POU2F1: variants seen among roughly 807,000 people sequenced by gnomAD.
POU2F1 encodes POU class 2 homeobox 1.
Under a neutral mutation model 84.9 loss-of-function variants are expected in POU2F1, and 16 were observed. That is an observed-to-expected ratio of 0.19 (90% CI 0.13 to 0.29). POU2F1 has a LOEUF of 0.29. POU2F1 is among the 10% of genes least tolerant of loss of function. POU2F1 has a pLI of 1.00. For synonymous variants in POU2F1, 368 were observed against 368.3 expected, an observed-to-expected ratio of 1.00 and a Z score of 0.01; for missense variants, 738 against 942.6, an observed-to-expected ratio of 0.78 and a Z score of 2.84.
At chr1:167,344,778 C>T (rs1441056434) in intron 2 of POU2F1, among the ~76,000 whole-genome samples, 1 of 151,858 alleles carries the variant, frequency 6.6e-6, no homozygotes, top group Non-Finnish European at 1.5e-5. Flanking sequence ...TGGGAGGGGA[C>T]GTTAGAAGGG....
chr1:167,294,863 G>A (rs1654178840), intron 1 of POU2F1, among the ~76,000 whole-genome samples: 1 of 152,160 alleles, frequency 6.6e-6, no homozygotes, highest in African/African-American at 2.4e-5. Flanking sequence ...GCTGGGCACG[G>A]TGGCTCACAC....
intron 1 of POU2F1, among the ~76,000 whole-genome samples, chr1:167,318,429 A>G (rs1232281658): frequency 3.3e-5 from 5 of 152,198 alleles, no homozygotes; most frequent in African/African-American, 7.2e-5. Flanking sequence ...TAGGGGACCA[A>G]TCAATAATGA....
chr1:167,354,509 C>G (rs1658808438), intron 2 of POU2F1, among the ~76,000 whole-genome samples: 1 of 152,126 alleles, frequency 6.6e-6, no homozygotes, highest in Non-Finnish European at 1.5e-5. Context: ...CCAGGCTGGT[C>G]TCAGACTCCT....
rs374525798 is a variant in POU2F1 at position 167,273,397 on chromosome 1, C to T, written c.61+52439C>T. On this transcript the variant is annotated intron_variant, in intron 1 of 15. Coordinates refer to ENST00000367866, the MANE Select transcript of POU2F1 (RefSeq NM_002697.4). ...TGTGTGTGGGGGCTCCAACCCCACT[C>T]CCCTCTACACTGCCCTCGTAGAGGT... Among the ~76,000 whole-genome samples the T allele has an allele frequency of 2.2e-4, 34 of 152,282 alleles. No individual in the cohort carries two copies. The East Asian group carries it at 4.4e-3, about 20-fold the overall frequency.
chr1:167,371,114 T>C (rs1434680477), intron 4 of POU2F1, among the ~76,000 whole-genome samples: 1 of 152,162 alleles, frequency 6.6e-6, no homozygotes, highest in Non-Finnish European at 1.5e-5. Flanking sequence ...AAAGAGATAA[T>C]GTGACCTTAC....
At chr1:167,299,900 G>A (rs567113574) in intron 1 of POU2F1, among the ~76,000 whole-genome samples, 41 of 151,894 alleles carry the variant, frequency 2.7e-4, no homozygotes, top group African/African-American at 8.9e-4. Context: ...GTGAGGTAGG[G>A]GCCAAAAAAG....
intron 1 of POU2F1, among the ~76,000 whole-genome samples, chr1:167,305,970 G>C (rs1004126751): frequency 6.6e-6 from 1 of 152,202 alleles, no homozygotes. Context: ...AGTATACATA[G>C]AAATGTAGAA....
chr1:167,299,163 CAAAAAAA>C (rs71073663), intron 1 of POU2F1, among the ~76,000 whole-genome samples: 4 of 96,836 alleles, frequency 4.1e-5, no homozygotes, highest in South Asian at 6.6e-4. Context: ...AACGCCATCT[CAAAAAAA>C]AAAAAAAAAA....
chr1:167,221,637 C>G (rs1376780297), intron 1 of POU2F1, among the ~76,000 whole-genome samples: 1 of 150,800 alleles, frequency 6.6e-6, no homozygotes, highest in Non-Finnish European at 1.5e-5. Context: ...TGCCCGCGCC[C>G]CGCGCGGGGC....
chr1:167,315,720 A>AT (rs543585619), intron 1 of POU2F1, among the ~76,000 whole-genome samples: 2 of 151,786 alleles, frequency 1.3e-5, no homozygotes, highest in Non-Finnish European at 2.9e-5. Context: ...GAGATGATCG[A>AT]TTGAGCCCAG....
At chr1:167,301,647 T>C (rs543191691) in intron 1 of POU2F1, among the ~76,000 whole-genome samples, 83 of 152,272 alleles carry the variant, frequency 5.5e-4, no homozygotes, top group African/African-American at 1.9e-3. Context: ...GATGTGCCAA[T>C]GGACAGCAAG....
chr1:167,424,406 C>A lies in POU2F1; in HGVS notation c.*8596C>A, dbSNP rs549439472. On this transcript the variant is annotated 3_prime_UTR_variant, in exon 16 of 16. Transcript: ENST00000367866. ...GCAGGAGGTCTCACTCCGCAGGAAACGCTCTCCTCCCGCATAAGTCTGTAC... is the reference window on the plus strand; with the variant it reads ...GCAGGAGGTCTCACTCCGCAGGAAAAGCTCTCCTCCCGCATAAGTCTGTAC... 1 of 152,300 alleles carries A rather than the reference C, an allele frequency of 6.6e-6. No individual in the cohort carries two copies. Among genetic ancestry groups the A allele is most frequent in the Non-Finnish European group, 1.5e-5 (1 of 68,084 alleles). The allele number at this position is 152,300 out of a possible 1,614,324, so 9.4% of individuals were successfully genotyped here.
At chr1:167,261,122 C>T (rs1651533097) in intron 1 of POU2F1, among the ~76,000 whole-genome samples, 1 of 152,014 alleles carries the variant, frequency 6.6e-6, no homozygotes, top group Admixed American at 6.6e-5. Flanking sequence ...GAGTGGTTCC[C>T]AGTCAACCAT....
intron 2 of POU2F1, among the ~76,000 whole-genome samples, chr1:167,347,442 A>G (rs760896191): frequency 4.6e-5 from 7 of 152,176 alleles, no homozygotes; most frequent in Non-Finnish European, 8.8e-5. Context: ...TATACAGACG[A>G]GGCTGGCTGC....
chr1:167,304,043 C>T (rs920280084), intron 1 of POU2F1, among the ~76,000 whole-genome samples: 4 of 152,074 alleles, frequency 2.6e-5, no homozygotes, highest in African/African-American at 4.8e-5. Context: ...AAGTAACTTG[C>T]GAAAGAAATT....
At chr1:167,231,193 T>C (rs551547751) in intron 1 of POU2F1, among the ~76,000 whole-genome samples, 71 of 152,350 alleles carry the variant, frequency 4.7e-4, no homozygotes, top group Non-Finnish European at 9.3e-4. Context: ...AGGATTCTTA[T>C]TGATAAAATT....
chr1:167,335,082 A>G (rs1478870256), intron 2 of POU2F1, among the ~76,000 whole-genome samples: 1 of 152,208 alleles, frequency 6.6e-6, no homozygotes, highest in Non-Finnish European at 1.5e-5. Context: ...CAAATGATGC[A>G]CTTTTTGTCA....
In POU2F1 at chr1:167,426,801, G is replaced by A. The variant is rs771571773; in HGVS notation, c.*10991G>A. On this transcript the variant is annotated 3_prime_UTR_variant, in exon 16 of 16. Coordinates refer to ENST00000367866, the MANE Select transcript of POU2F1 (RefSeq NM_002697.4). ...TCTTTCCAAAATTGTCCAGCAGCTT[G>A]AATGAGGCAGTGACAATTCTGAGGT... The A allele has an allele frequency of 6.6e-6, 1 of 152,178 alleles. No homozygotes were observed. The highest frequency in any genetic ancestry group is 1.5e-5 in the Non-Finnish European group (1 of 68,032). The allele number at this position is 152,178 out of a possible 1,614,324, so 9.4% of individuals were successfully genotyped here.
chr1:167,406,395 C>G (rs376532616), intron 13 of POU2F1, among the ~76,000 whole-genome samples: 2 of 152,194 alleles, frequency 1.3e-5, no homozygotes, highest in African/African-American at 4.8e-5. Context: ...CTTACTAAAA[C>G]TCTCCAGCAA....
Sources: gnomAD v4.1 joint callset for allele counts (sites outside exome capture counted in the v4.1 genomes callset) on GRCh38, gnomAD v4.1.1 for gene constraint, MANE v1.5 for transcripts, NCBI Gene and HGNC (gene_info 2026-07-23, HGNC 2026-07-21) for gene names.